Variants in RANBP17 observed in about 807,000 individuals in gnomAD.
RANBP17 encodes RAN binding protein 17, also known as ran-binding protein 17.
In RANBP17, 158 loss-of-function variants were observed where a neutral mutation model predicts 141.2. That is an observed-to-expected ratio of 1.12 (90% CI 0.98 to 1.28). The LOEUF is 1.28. Among genes scored for constraint, RANBP17 ranks in the 50% most tolerant of loss-of-function variants. RANBP17 has a pLI of 0.00. For missense variants in RANBP17, 1,438 were observed against 1,290.7 expected, an observed-to-expected ratio of 1.11 and a Z score of -1.75; for synonymous variants, 430 against 450.0, an observed-to-expected ratio of 0.96 and a Z score of 0.56.
At chr5:170,865,251 C>T (rs953525785) in intron 1 of RANBP17, among the ~76,000 whole-genome samples, 2 of 152,034 alleles carry the variant, frequency 1.3e-5, no homozygotes, top group Non-Finnish European at 2.9e-5. Flanking sequence ...TTAGTAGAGA[C>T]AGGGTTTCTC....
intron 14 of RANBP17, among the ~76,000 whole-genome samples, chr5:170,974,050 T>C (rs1440394802): frequency 6.6e-6 from 1 of 152,214 alleles, no homozygotes; most frequent in African/African-American, 2.4e-5. Flanking sequence ...GTGCATGTCC[T>C]TCTCATATGC....
chr5:171,183,930 T>G (rs1463921130), intron 18 of RANBP17, among the ~76,000 whole-genome samples: 1 of 152,156 alleles, frequency 6.6e-6, no homozygotes, highest in Non-Finnish European at 1.5e-5. Flanking sequence ...TATTATAACA[T>G]TAAGTGAAAA....
chr5:171,210,856 T>C (rs1762836859), intron 20 of RANBP17, among the ~76,000 whole-genome samples: 1 of 151,346 alleles, frequency 6.6e-6, no homozygotes, highest in South Asian at 2.1e-4. Context: ...AATAGAAATA[T>C]TAGCCGGGCA....
intron 14 of RANBP17, among the ~76,000 whole-genome samples, chr5:171,034,540 A>G (rs1027149495): frequency 2.0e-5 from 3 of 152,200 alleles, no homozygotes; most frequent in African/African-American, 7.2e-5. Context: ...AGAAAACTGT[A>G]AAACATCCTA....
At chr5:171,062,854 C>T (rs1287907579) in intron 14 of RANBP17, among the ~76,000 whole-genome samples, 207 of 136,560 alleles carry the variant, frequency 1.5e-3, no homozygotes, top group Admixed American at 1.6e-3. Flanking sequence ...AGGCTTTGTT[C>T]GTTTCTTTTT....
At chr5:170,889,065 T>A (rs1053027037) in intron 3 of RANBP17, among the ~76,000 whole-genome samples, 120 of 152,102 alleles carry the variant, frequency 7.9e-4, no homozygotes, top group Non-Finnish European at 1.4e-3. Context: ...TTCTTTCTTT[T>A]TTTTTGTAGT....
chr5:170,881,233 G>A (rs756570726), intron 2 of RANBP17, among the ~76,000 whole-genome samples: 54 of 152,316 alleles, frequency 3.5e-4, no homozygotes, highest in Non-Finnish European at 4.6e-4. Context: ...GAGAAAAAAA[G>A]AGGGAGTATC....
At chr5:171,166,468 T>A (rs764684536) in intron 14 of RANBP17, among the ~76,000 whole-genome samples, 2 of 151,956 alleles carry the variant, frequency 1.3e-5, no homozygotes, top group East Asian at 3.9e-4. Flanking sequence ...GTAACTCCTA[T>A]ATACTTCCTT....
intron 14 of RANBP17, among the ~76,000 whole-genome samples, chr5:171,047,432 TTTTTG>T (rs1455303657): frequency 7.4e-6 from 1 of 135,674 alleles, no homozygotes; most frequent in African/African-American, 2.6e-5. Flanking sequence ...AACCCTTTTT[TTTTTG>T]TTTTGTTTTT....
chr5:171,192,472 T>G (rs1451654542), intron 18 of RANBP17, among the ~76,000 whole-genome samples: 2 of 152,148 alleles, frequency 1.3e-5, no homozygotes, highest in Non-Finnish European at 2.9e-5. Context: ...TAGTCTGCAG[T>G]GGGCAGTGTA....
At chr5:171,022,515 A>G (rs191217689) in intron 14 of RANBP17, among the ~76,000 whole-genome samples, 1 of 152,134 alleles carries the variant, frequency 6.6e-6, no homozygotes, top group South Asian at 2.1e-4. Context: ...CTGCAGGGGA[A>G]CCCCACCCAG....
intron 14 of RANBP17, among the ~76,000 whole-genome samples, chr5:171,165,323 A>G (rs1446630132): frequency 6.6e-6 from 1 of 151,614 alleles, no homozygotes; most frequent in African/African-American, 2.4e-5. Context: ...CTGGGATTAC[A>G]GGTACACGCC....
At chr5:170,974,744 A>G (rs753206617) in intron 14 of RANBP17, among the ~76,000 whole-genome samples, 6 of 152,172 alleles carry the variant, frequency 3.9e-5, no homozygotes, top group Non-Finnish European at 5.9e-5. Flanking sequence ...TACTGCATGT[A>G]TGCCACCAGT....
intron 14 of RANBP17, among the ~76,000 whole-genome samples, chr5:171,159,749 G>A (rs1286380974): frequency 3.3e-5 from 5 of 151,400 alleles, no homozygotes; most frequent in Non-Finnish European, 5.9e-5. Context: ...GTGAATCCTC[G>A]TCTCTACTAA....
At chr5:171,285,265 G>T (rs2128039988) in intron 25 of RANBP17, among the ~76,000 whole-genome samples, 1 of 152,300 alleles carries the variant, frequency 6.6e-6, no homozygotes, top group South Asian at 2.1e-4. Context: ...GCCTGTGTTA[G>T]TCTCTCTTAA....
intron 14 of RANBP17, among the ~76,000 whole-genome samples, chr5:171,078,957 A>G (rs1325559310): frequency 1.3e-5 from 2 of 152,210 alleles, no homozygotes; most frequent in East Asian, 1.9e-4. Flanking sequence ...AATACATTTC[A>G]TAAGACTGCA....
chr5:171,142,625 A>G (rs572510172), intron 14 of RANBP17, among the ~76,000 whole-genome samples: 54 of 152,352 alleles, frequency 3.5e-4, no homozygotes, highest in African/African-American at 1.2e-3. Flanking sequence ...TGTGAATGCT[A>G]TCTGTCCAAA....
At chr5:171,201,037 A>G (rs1762265937) in intron 19 of RANBP17, among the ~76,000 whole-genome samples, 1 of 152,214 alleles carries the variant, frequency 6.6e-6, no homozygotes, top group African/African-American at 2.4e-5. Context: ...CCTTTATCAA[A>G]AAGGAGCAGT....
At chr5:171,154,216 G>A (rs200467420) in intron 14 of RANBP17, among the ~76,000 whole-genome samples, 1 of 151,456 alleles carries the variant, frequency 6.6e-6, no homozygotes, top group Non-Finnish European at 1.5e-5. Flanking sequence ...CTCTTAGTTG[G>A]CACCAAGAAC....
Sources: allele counts gnomAD v4.1 joint callset (sites outside exome capture counted in the v4.1 genomes callset), GRCh38; gene constraint gnomAD v4.1.1; transcripts MANE v1.5; gene names NCBI Gene and HGNC (gene_info 2026-07-23, HGNC 2026-07-21).